The following RBFOX1 variants were observed in gnomAD, a reference collection of about 807,000 sequenced individuals.
The protein encoded by RBFOX1 is RNA binding protein fox-1 homolog 1.
Under a neutral mutation model 57.7 loss-of-function variants are expected in RBFOX1, and 8 were observed. That is an observed-to-expected ratio of 0.14 (90% CI 0.08 to 0.25). RBFOX1 has a LOEUF of 0.25. Ranked by LOEUF, RBFOX1 falls within the 10% of genes least tolerant of loss-of-function variation. The pLI is 1.00. For missense variants in RBFOX1, 611 were observed against 548.5 expected (o/e 1.11, Z -1.14); for synonymous variants, 326 against 222.4 (o/e 1.47, Z -4.15).
In RBFOX1 at chr16:5,547,704, C is replaced by A. The variant is rs77155713; in HGVS notation, c.259-51198C>A. ...TGTGCTGCATGTACACAATGGAATA[C>A]TACACAGCCGTATCAAAGCACAAAA... On this transcript the variant is annotated intron_variant, in intron 2 of 2. Transcript: ENST00000585867. Among the ~76,000 whole-genome samples, 41 of 152,244 alleles carry A rather than the reference C, an allele frequency of 2.7e-4. No homozygotes were observed. In the East Asian group the frequency reaches 7.7e-3, roughly 29 times the overall value.
chr16:5,834,718 C>CAG (rs2056398825), intron 3 of RBFOX1, among the ~76,000 whole-genome samples: 1 of 121,622 alleles, frequency 8.2e-6, no homozygotes, highest in African/African-American at 2.9e-5. Flanking sequence ...TAGATAGATA[C>CAG]ATAGATACAT....
intron 2 of RBFOX1, among the ~76,000 whole-genome samples, chr16:6,331,928 A>G (rs1482806504): frequency 2.0e-5 from 3 of 152,124 alleles, no homozygotes; most frequent in East Asian, 1.9e-4. Context: ...TTTGTTTCAC[A>G]TAAGTTTCTC....
intron 4 of RBFOX1, among the ~76,000 whole-genome samples, chr16:7,478,666 G>C (rs952876434): frequency 1.3e-5 from 2 of 152,042 alleles, no homozygotes; most frequent in African/African-American, 4.8e-5. Flanking sequence ...CCAGCTTTCC[G>C]CTATATGCAA....
intron 4 of RBFOX1, among the ~76,000 whole-genome samples, chr16:5,929,067 T>C (rs1189817038): frequency 6.6e-6 from 1 of 151,504 alleles, no homozygotes; most frequent in Non-Finnish European, 1.5e-5. Flanking sequence ...GAAAATCCTA[T>C]TTAAACACAC....
chr16:7,274,962 G>A (rs2095412205), intron 4 of RBFOX1, among the ~76,000 whole-genome samples: 1 of 152,140 alleles, frequency 6.6e-6, no homozygotes, highest in Non-Finnish European at 1.5e-5. Context: ...GGAATTAGAG[G>A]TGTGAGTCAC....
At chr16:6,794,903 C>G (rs1027429727) in intron 3 of RBFOX1, among the ~76,000 whole-genome samples, 8 of 152,062 alleles carry the variant, frequency 5.3e-5, no homozygotes, top group East Asian at 1.9e-4. Context: ...CTGGATCAAC[C>G]CATTCATTTC....
intron 4 of RBFOX1, among the ~76,000 whole-genome samples, chr16:7,231,654 A>G (rs976070416): frequency 1.3e-5 from 2 of 152,238 alleles, no homozygotes; most frequent in Non-Finnish European, 2.9e-5. Context: ...CTATCAATAA[A>G]TTTATCAATA....
At chr16:7,372,060 T>G (rs2097576403) in intron 4 of RBFOX1, among the ~76,000 whole-genome samples, 1 of 152,172 alleles carries the variant, frequency 6.6e-6, no homozygotes, top group Admixed American at 6.5e-5. Context: ...GGGCCCTGAT[T>G]ACTTTTTACT....
chr16:7,213,357 G>A (rs781563267), intron 4 of RBFOX1, among the ~76,000 whole-genome samples: 49 of 152,110 alleles, frequency 3.2e-4, no homozygotes, highest in Non-Finnish European at 5.3e-4. Context: ...TTAGGAATAC[G>A]GGACTCAGTG....
intron 3 of RBFOX1, among the ~76,000 whole-genome samples, chr16:6,805,201 C>G (rs1487764598): frequency 6.6e-6 from 1 of 152,188 alleles, no homozygotes; most frequent in African/African-American, 2.4e-5. Flanking sequence ...CCATGGAATA[C>G]TATGCAGCCA....
chr16:7,664,715 T>G (rs377623690), intron 12 of RBFOX1: 2 of 745,110 alleles, frequency 2.7e-6, no homozygotes, highest in Non-Finnish European at 4.3e-6. Context: ...CACCACCACA[T>G]CCTAATTCTG....
chr16:6,582,424 A>G (rs1380965573), intron 2 of RBFOX1, among the ~76,000 whole-genome samples: 1 of 151,368 alleles, frequency 6.6e-6, no homozygotes, highest in East Asian at 2.0e-4. Context: ...TTAAGCAGTT[A>G]TTAATTTTGT....
chr16:7,410,830 CGTGTGTGT>C (rs56755477), intron 4 of RBFOX1, among the ~76,000 whole-genome samples: 9,059 of 150,166 alleles, frequency 0.06, 715 homozygotes, highest in African/African-American at 0.18. Flanking sequence ...TGAGTTTTCA[CGTGTGTGT>C]GTGTGTGTGT....
intron 2 of RBFOX1, among the ~76,000 whole-genome samples, chr16:5,521,822 G>A (rs1012929429): frequency 2.0e-5 from 3 of 152,164 alleles, no homozygotes; most frequent in Non-Finnish European, 4.4e-5. Flanking sequence ...TCTCACCCCG[G>A]AAGTTCACAT....
At chr16:5,452,668 G>C (rs1165865657) in intron 1 of RBFOX1, among the ~76,000 whole-genome samples, 1 of 150,322 alleles carries the variant, frequency 6.7e-6, no homozygotes, top group Non-Finnish European at 1.5e-5. Context: ...TTTTGAGACA[G>C]AGTCTCACTC....
chr16:6,676,431 C>T (rs920804991), intron 3 of RBFOX1, among the ~76,000 whole-genome samples: 2 of 151,936 alleles, frequency 1.3e-5, no homozygotes, highest in African/African-American at 4.8e-5. Context: ...AATAAAGGTG[C>T]CAGGAAGGCA....
chr16:6,689,297 A>T (rs935376549), intron 3 of RBFOX1, among the ~76,000 whole-genome samples: 40 of 152,186 alleles, frequency 2.6e-4, no homozygotes, highest in African/African-American at 8.4e-4. Context: ...TATAATTCAC[A>T]TGAAGTGATA....
At chr16:6,692,031 C>T (rs1230907058) in intron 3 of RBFOX1, among the ~76,000 whole-genome samples, 2 of 152,190 alleles carry the variant, frequency 1.3e-5, no homozygotes, top group Admixed American at 6.5e-5. Flanking sequence ...TGCCTGTTGA[C>T]ACCATCATTT....
chr16:6,833,526 A>G lies in RBFOX1; in HGVS notation c.-16+178876A>G, dbSNP rs557709037. On this transcript the variant is annotated intron_variant, in intron 3 of 15. Transcript: ENST00000550418. ...GACCCTCCTTGACTTCCCAGACTGGAATGCCAGCCTGGCCAGCTACTCTCT... is the reference window on the plus strand; with the variant it reads ...GACCCTCCTTGACTTCCCAGACTGGGATGCCAGCCTGGCCAGCTACTCTCT... Among the ~76,000 whole-genome samples, 4 of 152,242 alleles carry G rather than the reference A, an allele frequency of 2.6e-5. No individual in the cohort carries two copies. In the South Asian group the frequency reaches 8.3e-4, roughly 32 times the overall value.
Sources: gnomAD v4.1 joint callset for allele counts (sites outside exome capture counted in the v4.1 genomes callset) on GRCh38, gnomAD v4.1.1 for gene constraint, MANE v1.5 for transcripts, NCBI Gene and HGNC (gene_info 2026-07-23, HGNC 2026-07-21) for gene names.